PXDNL: variants seen among roughly 807,000 people sequenced by gnomAD.
PXDNL encodes probable oxidoreductase PXDNL.
A neutral mutation model predicts 150.8 loss-of-function variants in PXDNL; 145 were observed. That is an observed-to-expected ratio of 0.96 (90% CI 0.84 to 1.10). The LOEUF (loss-of-function observed/expected upper bound fraction) is 1.10, where lower values mean the gene tolerates loss of function less well. Among genes scored for constraint, PXDNL ranks in the 50% least tolerant of loss-of-function variants. The pLI is 0.00. For synonymous variants in PXDNL, 757 were observed against 725.7 expected, an observed-to-expected ratio of 1.04 and a Z score of -0.69; for missense variants, 2,087 against 1,873.9, an observed-to-expected ratio of 1.11 and a Z score of -2.10.
intron 17 of PXDNL, among the ~76,000 whole-genome samples, chr8:51,394,290 G>C (rs1287071829): frequency 6.6e-6 from 1 of 152,042 alleles, no homozygotes; most frequent in African/African-American, 2.4e-5. Flanking sequence ...CAAATATGAA[G>C]GAAATATTAT....
chr8:51,441,728 G>C (rs922198997), intron 12 of PXDNL, among the ~76,000 whole-genome samples: 1 of 152,162 alleles, frequency 6.6e-6, no homozygotes, highest in African/African-American at 2.4e-5. Flanking sequence ...AGAAAATGGT[G>C]ACTTAAGCTA....
chr8:51,802,809 G>T (rs1482835767), intron 1 of PXDNL, among the ~76,000 whole-genome samples: 1 of 152,184 alleles, frequency 6.6e-6, no homozygotes, highest in African/African-American at 2.4e-5. Context: ...CTTCATGGCA[G>T]AATGGAATAT....
At chr8:51,739,646 G>T (rs986974962) in intron 1 of PXDNL, among the ~76,000 whole-genome samples, 3 of 151,964 alleles carry the variant, frequency 2.0e-5, no homozygotes, top group Admixed American at 2.0e-4. Context: ...AGGCCGAGGC[G>T]GGTGGATCAC....
chr8:51,629,070 C>T (rs1563488394), intron 2 of PXDNL, among the ~76,000 whole-genome samples: 1 of 151,850 alleles, frequency 6.6e-6, no homozygotes, highest in Non-Finnish European at 1.5e-5. Flanking sequence ...ACTAACTAGA[C>T]AAAGACTTTC....
At chr8:51,431,329 AC>A (rs1482975103) in intron 12 of PXDNL, among the ~76,000 whole-genome samples, 3 of 152,090 alleles carry the variant, frequency 2.0e-5, no homozygotes, top group Non-Finnish European at 4.4e-5. Flanking sequence ...CTGTCTCTTT[AC>A]TGTTTCCCTC....
chr8:51,376,037 T>C (rs1462769326), intron 17 of PXDNL, among the ~76,000 whole-genome samples: 1 of 152,216 alleles, frequency 6.6e-6, no homozygotes, highest in Non-Finnish European at 1.5e-5. Context: ...GAGGGCAGAG[T>C]ATAGTATCTT....
chr8:51,569,142 T>C (rs1812879442), intron 3 of PXDNL, among the ~76,000 whole-genome samples: 1 of 151,780 alleles, frequency 6.6e-6, no homozygotes, highest in Non-Finnish European at 1.5e-5. Context: ...GTTTTCTTGC[T>C]TTTTAACTTT....
intron 21 of PXDNL, among the ~76,000 whole-genome samples, chr8:51,332,695 G>A (rs1284337746): frequency 6.6e-6 from 1 of 152,072 alleles, no homozygotes; most frequent in Non-Finnish European, 1.5e-5. Context: ...GAAATGCTCT[G>A]GAAAGTCTCA....
At chr8:51,411,483 T>A in intron 15 of PXDNL, 76 bp from the exon 16 acceptor site, 1 of 1,303,042 alleles carries the variant, frequency 7.7e-7, no homozygotes, top group Non-Finnish European at 1.0e-6. Context: ...ACTGTGCATT[T>A]AAAAAGGCAT....
intron 17 of PXDNL, among the ~76,000 whole-genome samples, chr8:51,377,105 T>TTC (rs1554531477): frequency 1.4e-5 from 2 of 140,612 alleles, no homozygotes; most frequent in African/African-American, 5.2e-5. Context: ...CTCTACCCTT[T>TTC]ACACACACAC....
rs527820585 is a variant in PXDNL at position 51,541,217 on chromosome 8, C to T, written c.380+15623G>A. Among the ~76,000 whole-genome samples, 6 of 148,852 alleles carry T rather than the reference C, an allele frequency of 4.0e-5. No individual in the cohort carries two copies. The East Asian group carries it at 9.9e-4, about 25-fold the overall frequency. The stretch of plus-strand genomic sequence containing the variant: ...AGGTTGCAGTGAGCCAAGATGGCAC[C>T]GCTGCACTCCGGCCTGGCGACAGAG... On this transcript the variant is annotated intron_variant, in intron 4 of 22. Coordinates refer to ENST00000356297, the MANE Select transcript of PXDNL (RefSeq NM_144651.5).
At chr8:51,385,931 A>C (rs926509950) in intron 17 of PXDNL, among the ~76,000 whole-genome samples, 1 of 151,430 alleles carries the variant, frequency 6.6e-6, no homozygotes, top group African/African-American at 2.4e-5. Context: ...AGTTCATTAA[A>C]CCTCTTTTTC....
chr8:51,486,205 G>A (rs111967309), intron 5 of PXDNL, among the ~76,000 whole-genome samples: 76 of 152,104 alleles, frequency 5.0e-4, no homozygotes, highest in African/African-American at 1.6e-3. Flanking sequence ...TTGCTTAACA[G>A]GCAAAACAAA....
At chr8:51,744,074 G>A (rs1254363002) in intron 1 of PXDNL, among the ~76,000 whole-genome samples, 1 of 72,272 alleles carries the variant, frequency 1.4e-5, no homozygotes, top group African/African-American at 6.7e-5. Flanking sequence ...AGGAAGGAAG[G>A]AAGGAAGGAA....
intron 1 of PXDNL, among the ~76,000 whole-genome samples, chr8:51,744,926 G>A (rs1327477438): frequency 5.7e-5 from 5 of 87,222 alleles, no homozygotes; most frequent in Admixed American, 1.5e-4. Flanking sequence ...AGGAAAGAAA[G>A]AAAAAGAAAG....
At chr8:51,427,545 C>A (rs768546957) in intron 12 of PXDNL, among the ~76,000 whole-genome samples, 1 of 152,034 alleles carries the variant, frequency 6.6e-6, no homozygotes, top group African/African-American at 2.4e-5. Context: ...GGTTTATACA[C>A]CATGAGCAAG....
chr8:51,499,893 C>T, intron 4 of PXDNL, 123 bp from the exon 5 acceptor site: 1 of 635,466 alleles, frequency 1.6e-6, no homozygotes. Context: ...CTATATATCA[C>T]ATACAAAAAT....
chr8:51,752,322 A>G (rs568582810), intron 1 of PXDNL, among the ~76,000 whole-genome samples: 4 of 152,196 alleles, frequency 2.6e-5, no homozygotes, highest in East Asian at 1.9e-4. Flanking sequence ...CAGACCCCCA[A>G]TAAAACTTGT....
chr8:51,702,213 C>G (rs1437641369), intron 1 of PXDNL, among the ~76,000 whole-genome samples: 1 of 152,074 alleles, frequency 6.6e-6, no homozygotes, highest in Non-Finnish European at 1.5e-5. Context: ...CTATAGTAAG[C>G]TGGATGAAGA....
Sources: gnomAD v4.1 joint callset for allele counts (sites outside exome capture counted in the v4.1 genomes callset) on GRCh38, gnomAD v4.1.1 for gene constraint, MANE v1.5 for transcripts, NCBI Gene and HGNC (gene_info 2026-07-23, HGNC 2026-07-21) for gene names.